The following KCNH5 variants were observed in gnomAD, a reference collection of about 807,000 sequenced individuals.
KCNH5 encodes voltage-gated delayed rectifier potassium channel KCNH5.
KCNH5 carries 46 observed loss-of-function variants against 96.1 expected under a neutral mutation model. That is an observed-to-expected ratio of 0.48 (90% confidence interval 0.38 to 0.61). KCNH5 has a LOEUF of 0.61. KCNH5 is among the 20% of genes least tolerant of loss of function. KCNH5 has a pLI of 0.00. For missense variants in KCNH5, 907 were observed against 1,225.8 expected, an observed-to-expected ratio of 0.74 and a Z score of 3.88; for synonymous variants, 439 against 449.8, an observed-to-expected ratio of 0.98 and a Z score of 0.30.
intron 8 of KCNH5, among the ~76,000 whole-genome samples, chr14:62,848,812 C>T (rs1887749242): frequency 6.6e-6 from 1 of 152,000 alleles, no homozygotes; most frequent in South Asian, 2.1e-4. Flanking sequence ...AAGTATTATG[C>T]CATCTAATTA....
intron 4 of KCNH5, among the ~76,000 whole-genome samples, chr14:62,996,658 C>T (rs975611568): frequency 5.3e-5 from 8 of 152,206 alleles, no homozygotes; most frequent in African/African-American, 1.9e-4. Flanking sequence ...AAAGTCAACA[C>T]TTCAACATCA....
intron 8 of KCNH5, 42 bp downstream of exon 8, chr14:62,849,611 C>G: frequency 6.6e-7 from 1 of 1,522,178 alleles, no homozygotes; most frequent in South Asian, 1.1e-5. Flanking sequence ...TCTGAAGATC[C>G]TACTAAAATA....
chr14:62,841,565 A>G (rs1304049170), intron 8 of KCNH5, among the ~76,000 whole-genome samples: 1 of 152,256 alleles, frequency 6.6e-6, no homozygotes. Flanking sequence ...ATTACTCCAC[A>G]ATTGATGTTC....
At chr14:62,988,687 G>T (rs1244832785) in intron 4 of KCNH5, among the ~76,000 whole-genome samples, 1 of 138,232 alleles carries the variant, frequency 7.2e-6, no homozygotes, top group African/African-American at 3.1e-5. Flanking sequence ...TGTACAATGT[G>T]CTGTGGAAAC....
chr14:62,890,698 CAAAAAAAAA>C (rs1277209731), intron 7 of KCNH5, among the ~76,000 whole-genome samples: 2 of 55,908 alleles, frequency 3.6e-5, no homozygotes, highest in Admixed American at 1.8e-4. Context: ...GACTCCGTCT[CAAAAAAAAA>C]AAAAAAAAAA....
intron 7 of KCNH5, among the ~76,000 whole-genome samples, chr14:62,938,030 G>A (rs902881780): frequency 1.3e-5 from 2 of 152,196 alleles, no homozygotes; most frequent in Non-Finnish European, 2.9e-5. Flanking sequence ...CTCATCAGAA[G>A]AGTCAATACC....
chr14:62,875,742 C>T (rs555494422), intron 7 of KCNH5, among the ~76,000 whole-genome samples: 27 of 152,230 alleles, frequency 1.8e-4, no homozygotes, highest in Admixed American at 5.9e-4. Context: ...TGTGGCCAGG[C>T]GCAGTGGCTC....
chr14:62,802,559 T>C lies in KCNH5; in HGVS notation c.1592A>G (p.Asp531Gly). Residue 531 changes from aspartate to glycine, a missense_variant, in exon 9 of 11, where the codon GAC becomes GGC. Transcript: ENST00000322893. ...ATGAACACAGATATCAGCTCTCATGTCCTTGGGACAGATGGAGAGGACCTA... is the reference window on the plus strand; with the variant it reads ...ATGAACACAGATATCAGCTCTCATGCCCTTGGGACAGATGGAGAGGACCTA... ...TEKVLSICPK[D>G]MRADICVHLN... is the part of the protein sequence containing the mutation. 3.1e-6 allele frequency: 5 copies of C among 1,614,032 alleles called. No homozygotes were observed. Among genetic ancestry groups the C allele is most frequent in the Non-Finnish European group, 3.4e-6 (4 of 1,179,974 alleles).
At position 62,700,533 on chromosome 14, in the gene KCNH5, A is replaced by AG. The variant is rs1884331530; in HGVS notation, c.*6974_*6975insC. On this transcript the variant is annotated 3_prime_UTR_variant, in exon 11 of 11. Transcript: ENST00000322893. ...CATCCCTGCAGAGGTCAAAAAAGCA[A>AG]TTCTGACAACTGTTTTTTCCTGAAA... The AG allele has an allele frequency of 6.6e-6, 1 of 152,198 alleles. No individual in the cohort carries two copies. The highest frequency in any genetic ancestry group is 1.5e-5 in the Non-Finnish European group (1 of 68,018). The allele number at this position is 152,198 out of a possible 1,614,324, so 9.4% of individuals were successfully genotyped here.
rs573248109 is a variant in KCNH5, at chr14:62,818,112, G to C, written c.1570-15531C>G. Among the ~76,000 whole-genome samples the C allele has an allele frequency of 2.9e-4, 38 of 130,066 alleles. 1 individual carries two copies. Among genetic ancestry groups the C allele is most frequent in the African/African-American group, 9.0e-4 (33 of 36,800 alleles). 85.3% of individuals were successfully genotyped at this position (130,066 alleles called of 152,430 possible). A position where few individuals can be genotyped will look rare whatever the true frequency, so the allele number is the denominator to read the frequency against. ...GGTGGCTACCAGGAGCTGGGGGCGG[G>C]GGGGGGGTGGAAGAAATGGGGAGAT... On this transcript the variant is annotated intron_variant, in intron 8 of 10. Transcript: ENST00000322893.
intron 10 of KCNH5, among the ~76,000 whole-genome samples, chr14:62,713,577 A>C (rs1431091638): frequency 6.6e-6 from 1 of 152,232 alleles, no homozygotes; most frequent in African/African-American, 2.4e-5. Context: ...ACTGATTTTG[A>C]AATGGAAAGC....
intron 10 of KCNH5, among the ~76,000 whole-genome samples, chr14:62,729,062 T>G (rs1356826054): frequency 1.9e-4 from 29 of 152,168 alleles, no homozygotes; most frequent in Non-Finnish European, 1.2e-4. Context: ...GTTCCATGAG[T>G]GCATTCACTA....
intron 1 of KCNH5, among the ~76,000 whole-genome samples, chr14:63,042,946 G>A (rs7154634): frequency 0.24 from 36,797 of 152,008 alleles, 5,146 homozygotes; most frequent in East Asian, 0.43. Flanking sequence ...AGCCATAGGC[G>A]ATTAGAGGTG....
intron 7 of KCNH5, among the ~76,000 whole-genome samples, chr14:62,945,939 G>A (rs1352353919): frequency 6.6e-6 from 1 of 152,100 alleles, no homozygotes; most frequent in Non-Finnish European, 1.5e-5. Context: ...CTTGAAAGAT[G>A]AGCTAGGGAA....
intron 7 of KCNH5, among the ~76,000 whole-genome samples, chr14:62,877,854 C>T (rs1468483903): frequency 6.6e-6 from 1 of 151,832 alleles, no homozygotes; most frequent in African/African-American, 2.4e-5. Context: ...GCTATATACC[C>T]AAAGGACTAT....
In KCNH5 at chr14:62,834,107, T is replaced by A. The variant is rs578249081; in HGVS notation, c.1569+15546A>T. ...GCAGTTTTTCATTTTCTCTCGTGGCTTTTATAAAATCAAACAATTCAGCTT... is the reference window on the plus strand; with the variant it reads ...GCAGTTTTTCATTTTCTCTCGTGGCATTTATAAAATCAAACAATTCAGCTT... On this transcript the variant is annotated intron_variant, in intron 8 of 10. Transcript: ENST00000322893. 2.3e-3 allele frequency among the ~76,000 whole-genome samples: 345 copies of A among 152,146 alleles called. 2 individuals carry two copies. Among genetic ancestry groups the A allele is most frequent in the African/African-American group, 8.0e-3 (331 of 41,560 alleles).
At chr14:62,885,857 G>T (rs918001704) in intron 7 of KCNH5, among the ~76,000 whole-genome samples, 8 of 152,188 alleles carry the variant, frequency 5.3e-5, no homozygotes, top group South Asian at 2.1e-4. Context: ...TAACATTAAT[G>T]AGAGATAGTT....
intron 9 of KCNH5, among the ~76,000 whole-genome samples, chr14:62,801,499 ATTTTTTT>A (rs35409070): frequency 1.2e-3 from 130 of 108,852 alleles, no homozygotes; most frequent in African/African-American, 3.9e-3. Flanking sequence ...TCATTTGGCA[ATTTTTTT>A]TTTTTTTTTT....
chr14:62,707,593 A>T lies in KCNH5; in HGVS notation c.2882T>A (p.Val961Glu), dbSNP rs1447434666. ...SSPKSQMPLQVPPQIPCQDIF... is the reference protein window; with the variant it reads ...SSPKSQMPLQEPPQIPCQDIF... ...ATCCTGACATGGTATCTGGGGGGGT[A>T]CTTGGAGTGGCATTTGGGATTTGGG... Residue 961 changes from valine to glutamate, a missense_variant, in exon 11 of 11, where the codon GTA becomes GAA. By Grantham distance (121) the Val-to-Glu change is moderately radical. Transcript: ENST00000322893. 11 of 1,534,884 alleles carry T rather than the reference A, an allele frequency of 7.2e-6. No homozygotes were observed. Among genetic ancestry groups the T allele is most frequent in the Non-Finnish European group, 8.8e-6 (10 of 1,138,878 alleles).
Sources: allele counts gnomAD v4.1 joint callset (sites outside exome capture counted in the v4.1 genomes callset), GRCh38; gene constraint gnomAD v4.1.1; transcripts MANE v1.5; gene names NCBI Gene and HGNC (gene_info 2026-07-23, HGNC 2026-07-21).